AMOTL1: variants seen among roughly 807,000 people sequenced by gnomAD.
AMOTL1 encodes the protein angiomotin-like protein 1.
Under a neutral mutation model 102.9 loss-of-function variants are expected in AMOTL1, and 45 were observed. That is an observed-to-expected ratio of 0.44 (90% CI 0.34 to 0.56). The LOEUF is 0.56. AMOTL1 is among the 20% of genes least tolerant of loss of function. AMOTL1 has a pLI of 0.01. For synonymous variants in AMOTL1, 481 were observed against 484.7 expected (o/e 0.99, Z 0.10); for missense variants, 1,114 against 1,225.6 (o/e 0.91, Z 1.36).
chr11:94,710,032 C>T (rs370888277), intron 1 of AMOTL1, among the ~76,000 whole-genome samples: 3 of 152,172 alleles, frequency 2.0e-5, no homozygotes, highest in African/African-American at 2.4e-5. Flanking sequence ...AGGGAAAAAA[C>T]ATTTCTCACA....
chr11:94,841,118 C>T lies in AMOTL1; in HGVS notation c.1649-8996C>T, dbSNP rs148270009. On this transcript the variant is annotated intron_variant, in intron 6 of 12. Coordinates refer to ENST00000433060, the MANE Select transcript of AMOTL1 (RefSeq NM_130847.3). ...GGGTCTTACTTTGTCATATCTGCAA[C>T]TAGAAGTGTCAGTTTTTTATGTTAA... 3.9e-5 allele frequency among the ~76,000 whole-genome samples: 6 copies of T among 152,182 alleles called. No homozygotes were observed. The East Asian group carries it at 1.2e-3, about 29-fold the overall frequency.
chr11:94,850,118 A>G lies in AMOTL1; in HGVS notation c.1653A>G (p.Lys551=), dbSNP rs746150818. The G allele has an allele frequency of 2.0e-5, 31 of 1,578,824 alleles. No individual in the cohort carries two copies. Among genetic ancestry groups the G allele is most frequent in the Non-Finnish European group, 2.5e-5 (29 of 1,161,512 alleles). ...AAEGHYASQN[K]EFLKEKEKLE... The stretch of plus-strand genomic sequence containing the variant: ...TTGTTCGTGTTTCCCTTCTAGACAA[A>G]GAATTCTTGAAGGAAAAGGAGAAAT... The change falls in exon 7 of 13, where the codon AAA becomes AAG. Residue 551 remains lysine, a synonymous_variant. Transcript: ENST00000433060.
chr11:94,799,709 G>A lies in AMOTL1; in HGVS notation c.519G>A (p.Glu173=), dbSNP rs190250592. The change falls in exon 3 of 13, where the codon GAG becomes GAA. Residue 173 remains glutamate (E), a synonymous_variant. Transcript: ENST00000433060. The surrounding 1 kb of genome is among the most constrained non-coding windows in gnomAD (Gnocchi z 4.5). ...ACCAGGTGGACAATACGGTGATGGAGAAACAGGTCCGGTCCACGCAGCCTC... is the reference window on the plus strand; with the variant it reads ...ACCAGGTGGACAATACGGTGATGGAAAAACAGGTCCGGTCCACGCAGCCTC... The part of the protein sequence containing the change: ...QEHQVDNTVM[E]KQVRSTQPQQ... The A allele has an allele frequency of 2.5e-3, 3,958 of 1,613,884 alleles. 12 individuals carry two copies. Among genetic ancestry groups the A allele is most frequent in the Non-Finnish European group, 3.0e-3 (3,533 of 1,179,878 alleles).
intron 3 of AMOTL1, among the ~76,000 whole-genome samples, chr11:94,821,064 C>T (rs768701759): frequency 2.0e-5 from 3 of 152,148 alleles, no homozygotes; most frequent in Non-Finnish European, 4.4e-5. Context: ...ATACTCCTTT[C>T]CCCCACTTCT....
At chr11:94,766,056 C>T (rs1431337113), upstream of AMOTL1, among the ~76,000 whole-genome samples, 1 of 152,152 alleles carries the variant, frequency 6.6e-6, no homozygotes, top group African/African-American at 2.4e-5. Context: ...GGGCTCAAAG[C>T]CTAGGTTAAC....
At chr11:94,751,345 C>G (rs1323186112) in intron 3 of AMOTL1, among the ~76,000 whole-genome samples, 1 of 152,024 alleles carries the variant, frequency 6.6e-6, no homozygotes, top group African/African-American at 2.4e-5. Context: ...CCCTTTCTGC[C>G]CTTTCCATCC....
chr11:94,714,400 T>G (rs945790171), intron 1 of AMOTL1, among the ~76,000 whole-genome samples: 2 of 152,090 alleles, frequency 1.3e-5, no homozygotes, highest in African/African-American at 4.8e-5. Context: ...CCTCATAAAA[T>G]GAGTTAGAAA....
chr11:94,768,912 G>T (rs1052471923), intron 1 of AMOTL1, among the ~76,000 whole-genome samples: 1 of 151,994 alleles, frequency 6.6e-6, no homozygotes, highest in East Asian at 2.0e-4. Flanking sequence ...GCCCGCGCGC[G>T]GGTCTCGCGG....
intron 3 of AMOTL1, among the ~76,000 whole-genome samples, chr11:94,806,755 G>C (rs1319064431): frequency 1.3e-5 from 2 of 152,174 alleles, no homozygotes; most frequent in African/African-American, 4.8e-5. Flanking sequence ...TGTATTAAAT[G>C]AGTGACTTCT....
intron 3 of AMOTL1, among the ~76,000 whole-genome samples, chr11:94,754,243 G>A (rs1565339838): frequency 6.6e-6 from 1 of 152,208 alleles, no homozygotes; most frequent in African/African-American, 2.4e-5. Flanking sequence ...TGGAGGTCAA[G>A]GAGAGGCCAG....
intron 1 of AMOTL1, among the ~76,000 whole-genome samples, chr11:94,723,645 C>T (rs931863147): frequency 2.6e-5 from 4 of 152,106 alleles, no homozygotes; most frequent in African/African-American, 9.7e-5. Context: ...AGTAAGAATT[C>T]TTGGATACAA....
At chr11:94,776,980 A>G (rs1485998913) in intron 1 of AMOTL1, among the ~76,000 whole-genome samples, 4 of 152,238 alleles carry the variant, frequency 2.6e-5, no homozygotes, top group African/African-American at 9.6e-5. Flanking sequence ...TGTGCTTTTT[A>G]TGGAAATTAC....
At position 94,831,671 on chromosome 11, in the gene AMOTL1, A is replaced by G. The variant is rs1952075018; in HGVS notation, c.1648+130A>G. 2.1e-5 allele frequency: 16 copies of G among 770,014 alleles called. No homozygotes were observed. The East Asian group carries it at 3.0e-4, about 14-fold the overall frequency. The allele number at this position is 770,014 out of a possible 1,614,324, so 47.7% of individuals were successfully genotyped here. A position where few individuals can be genotyped will look rare whatever the true frequency, so the allele number is the denominator to read the frequency against. On this transcript the variant is annotated intron_variant, in intron 6 of 12. Transcript: ENST00000433060. ...TGTTTGTTAATTTAGCATACAACCT[A>G]TTGATCTCAGATGAGGCCCTCCTAG...
intron 1 of AMOTL1, among the ~76,000 whole-genome samples, chr11:94,722,861 C>T (rs1244092806): frequency 6.6e-6 from 1 of 151,992 alleles, no homozygotes; most frequent in Non-Finnish European, 1.5e-5. Flanking sequence ...TATTTCATAC[C>T]CATAAAAAAC....
At chr11:94,733,796 A>G (rs747686123) in intron 2 of AMOTL1, among the ~76,000 whole-genome samples, 2 of 152,258 alleles carry the variant, frequency 1.3e-5, no homozygotes, top group African/African-American at 4.8e-5. Flanking sequence ...ATCTGAGTGT[A>G]AGTCGGAAGT....
chr11:94,850,335 C>T (rs1311902063), intron 7 of AMOTL1, 76 bp downstream of exon 7: 15 of 1,478,552 alleles, frequency 1.0e-5, no homozygotes, highest in South Asian at 1.4e-5. Context: ...CTTTTCCTAA[C>T]CCACCTACTT....
In AMOTL1 at chr11:94,875,121, CTTG is replaced by C. The variant is rs1401471637; in HGVS notation, c.*4332_*4334del. The C allele has an allele frequency of 1.3e-5, 2 of 152,162 alleles. No individual in the cohort carries two copies. Among genetic ancestry groups the C allele is most frequent in the Non-Finnish European group, 2.9e-5 (2 of 68,024 alleles). The allele number at this position is 152,162 out of a possible 1,614,324, so 9.4% of individuals were successfully genotyped here. A position where few individuals can be genotyped will look rare whatever the true frequency, so the allele number is the denominator to read the frequency against. On this transcript the variant is annotated 3_prime_UTR_variant, in exon 13 of 13. Coordinates refer to ENST00000433060, the MANE Select transcript of AMOTL1 (RefSeq NM_130847.3). The stretch of plus-strand genomic sequence containing the variant: ...TATATGCTTTATAAATGTTTCTTTT[CTTG>C]TTGTTTAAGTAATTAAAGTGTTTAA...
intron 9 of AMOTL1, among the ~76,000 whole-genome samples, chr11:94,863,318 C>T (rs1024595864): frequency 1.3e-5 from 2 of 149,630 alleles, no homozygotes; most frequent in Non-Finnish European, 3.0e-5. Flanking sequence ...TCAGGCGGGG[C>T]GCGGTGGCTC....
chr11:94,773,811 C>G (rs1181693841), intron 1 of AMOTL1, among the ~76,000 whole-genome samples: 1 of 152,152 alleles, frequency 6.6e-6, no homozygotes, highest in African/African-American at 2.4e-5. Flanking sequence ...AAGGTGAAAA[C>G]ACAGTACTTA....
Sources: gnomAD v4.1 joint callset for allele counts (sites outside exome capture counted in the v4.1 genomes callset) on GRCh38, gnomAD v4.1.1 for gene constraint, Gnocchi (gnomAD v3.1) non-coding constraint, MANE v1.5 for transcripts, NCBI Gene and HGNC (gene_info 2026-07-23, HGNC 2026-07-21) for gene names.